Variants in NRXN1 observed in about 807,000 individuals in gnomAD.
NRXN1 encodes the protein neurexin-1.
In NRXN1, 39 loss-of-function variants were observed where a neutral mutation model predicts 150.9. That is an observed-to-expected ratio of 0.26 (90% CI 0.20 to 0.34). The LOEUF (loss-of-function observed/expected upper bound fraction) is 0.34. NRXN1 is among the 10% of genes least tolerant of loss of function. The pLI, the probability that NRXN1 is intolerant of heterozygous loss-of-function variation, is 1.00. For missense variants in NRXN1, 1,815 were observed against 1,949.9 expected (o/e 0.93, Z 1.30); for synonymous variants, 924 against 757.0 (o/e 1.22, Z -3.62).
chr2:50,407,120 T>A (rs1049575835), intron 17 of NRXN1, among the ~76,000 whole-genome samples: 1 of 152,310 alleles, frequency 6.6e-6, no homozygotes, highest in East Asian at 1.9e-4. Flanking sequence ...GTGTATTTTT[T>A]AAATTATTAA....
intron 21 of NRXN1, among the ~76,000 whole-genome samples, chr2:49,948,046 A>G (rs1275728155): frequency 6.6e-6 from 1 of 152,112 alleles, no homozygotes; most frequent in Non-Finnish European, 1.5e-5. Context: ...GTATCAAAAT[A>G]CAGTAGCTAC....
At chr2:50,645,308 G>A (rs1219967077) in intron 5 of NRXN1, among the ~76,000 whole-genome samples, 1 of 151,554 alleles carries the variant, frequency 6.6e-6, no homozygotes, top group Non-Finnish European at 1.5e-5. Flanking sequence ...TTTTCTATAA[G>A]CTACATTAAA....
intron 2 of NRXN1, among the ~76,000 whole-genome samples, chr2:50,933,363 A>G (rs1009975769): frequency 3.3e-5 from 5 of 152,160 alleles, no homozygotes; most frequent in Non-Finnish European, 5.9e-5. Context: ...CATTTGAGTT[A>G]TAAAATGCAA....
At chr2:50,647,536 T>C (rs754391339) in intron 5 of NRXN1, among the ~76,000 whole-genome samples, 4 of 151,952 alleles carry the variant, frequency 2.6e-5, no homozygotes, top group Non-Finnish European at 4.4e-5. Context: ...AAGCACGTGG[T>C]ATCCTAACTA....
In NRXN1 at chr2:50,957,149, A is replaced by G. The variant is rs367908252; in HGVS notation, c.773-31194T>C. ...TCTCAAGATTTGTGCCCTTGGGTAAATCCCTATTCCATGATTAAAAATAAA... is the reference window on the plus strand; with the variant it reads ...TCTCAAGATTTGTGCCCTTGGGTAAGTCCCTATTCCATGATTAAAAATAAA... On this transcript the variant is annotated intron_variant, in intron 2 of 22. Transcript: ENST00000401669. Among the ~76,000 whole-genome samples the G allele has an allele frequency of 3.5e-3, 532 of 152,222 alleles. 5 individuals carry two copies. Among genetic ancestry groups the G allele is most frequent in the Non-Finnish European group, 6.2e-3 (423 of 68,028 alleles).
chr2:50,320,116 A>T (rs1025061426), intron 17 of NRXN1, among the ~76,000 whole-genome samples: 1 of 147,618 alleles, frequency 6.8e-6, no homozygotes, highest in Non-Finnish European at 1.5e-5. Flanking sequence ...ACTAACAATG[A>T]CTGAGAAGCA....
At chr2:50,999,221 T>C (rs576006298) in intron 2 of NRXN1, among the ~76,000 whole-genome samples, 4 of 152,190 alleles carry the variant, frequency 2.6e-5, no homozygotes, top group South Asian at 4.1e-4. Flanking sequence ...ATCCATGTTA[T>C]TTTATCATTT....
intron 17 of NRXN1, among the ~76,000 whole-genome samples, chr2:50,272,721 T>G (rs182530876): frequency 1.4e-3 from 217 of 151,938 alleles, no homozygotes; most frequent in African/African-American, 4.9e-3. Flanking sequence ...AAAGTGATAA[T>G]CTCCCCAAAA....
chr2:50,048,142 G>A (rs374968050), intron 21 of NRXN1, among the ~76,000 whole-genome samples: 129 of 152,140 alleles, frequency 8.5e-4, no homozygotes, highest in African/African-American at 3.0e-3. Context: ...TTGCTTACAC[G>A]CATTTAAAAT....
chr2:49,964,466 G>T (rs1254835077), intron 21 of NRXN1, among the ~76,000 whole-genome samples: 1 of 151,914 alleles, frequency 6.6e-6, no homozygotes, highest in East Asian at 1.9e-4. Flanking sequence ...TGTAATGCCA[G>T]CTACTCGGGA....
intron 18 of NRXN1, among the ~76,000 whole-genome samples, chr2:50,132,141 T>C (rs1010893769): frequency 3.3e-5 from 5 of 152,142 alleles, no homozygotes; most frequent in African/African-American, 9.7e-5. Flanking sequence ...GCTAATTGTA[T>C]AGATCTAAAG....
chr2:50,262,861 C>A (rs1048336390), intron 17 of NRXN1, among the ~76,000 whole-genome samples: 2 of 151,902 alleles, frequency 1.3e-5, no homozygotes, highest in African/African-American at 4.8e-5. Context: ...AAAATTATAG[C>A]CATTTCTTCT....
chr2:50,328,317 T>C (rs2076522346), intron 17 of NRXN1, among the ~76,000 whole-genome samples: 1 of 152,144 alleles, frequency 6.6e-6, no homozygotes, highest in Non-Finnish European at 1.5e-5. Context: ...GCCAAAAGCA[T>C]GGACACCCCT....
intron 18 of NRXN1, among the ~76,000 whole-genome samples, chr2:50,211,250 T>A (rs1574511451): frequency 6.6e-6 from 1 of 151,204 alleles, no homozygotes; most frequent in East Asian, 1.9e-4. Flanking sequence ...GGTAGATGGG[T>A]TCAGTGAAAA....
chr2:50,318,566 T>A (rs551238134), intron 17 of NRXN1, among the ~76,000 whole-genome samples: 6 of 152,122 alleles, frequency 3.9e-5, no homozygotes, highest in Non-Finnish European at 7.4e-5. Flanking sequence ...GTTACAATAT[T>A]GTGATTTTTT....
chr2:50,680,554 G>C (rs866554275), intron 5 of NRXN1, among the ~76,000 whole-genome samples: 1 of 151,936 alleles, frequency 6.6e-6, no homozygotes, highest in Admixed American at 6.6e-5. Flanking sequence ...CAATCAACTG[G>C]ATCCTTTCAA....
At chr2:50,151,448 T>G (rs1055007398) in intron 18 of NRXN1, among the ~76,000 whole-genome samples, 3 of 151,778 alleles carry the variant, frequency 2.0e-5, no homozygotes, top group African/African-American at 7.2e-5. Context: ...TATTTCCCCA[T>G]GTTTCTTCTC....
chr2:50,197,024 G>T (rs528813773), intron 18 of NRXN1, among the ~76,000 whole-genome samples: 1 of 152,238 alleles, frequency 6.6e-6, no homozygotes, highest in Admixed American at 6.6e-5. Context: ...GCTTACCTAT[G>T]TAACAAATCT....
intron 8 of NRXN1, among the ~76,000 whole-genome samples, chr2:50,569,098 A>T (rs1457390138): frequency 6.6e-6 from 1 of 152,116 alleles, no homozygotes; most frequent in Non-Finnish European, 1.5e-5. Context: ...AGTTAAAACA[A>T]TTGAATTCAT....
Sources: allele counts gnomAD v4.1 joint callset (sites outside exome capture counted in the v4.1 genomes callset), GRCh38; gene constraint gnomAD v4.1.1; transcripts MANE v1.5; gene names NCBI Gene and HGNC (gene_info 2026-07-23, HGNC 2026-07-21).